BAZ1A: variants seen among roughly 807,000 people sequenced by gnomAD.
BAZ1A encodes bromodomain adjacent to zinc finger domain 1A.
BAZ1A carries 50 observed loss-of-function variants against 185.2 expected under a neutral mutation model. That is an observed-to-expected ratio of 0.27 (90% confidence interval 0.22 to 0.34). BAZ1A has a LOEUF of 0.34. Among genes scored for constraint, BAZ1A ranks in the 10% least tolerant of loss-of-function variants. The pLI is 1.00. For synonymous variants in BAZ1A, 571 were observed against 615.6 expected, an observed-to-expected ratio of 0.93 and a Z score of 1.07; for missense variants, 1,356 against 1,839.9, an observed-to-expected ratio of 0.74 and a Z score of 4.81.
intron 21 of BAZ1A, among the ~76,000 whole-genome samples, chr14:34,770,765 C>T (rs2138572734): frequency 6.6e-6 from 1 of 152,242 alleles, no homozygotes; most frequent in South Asian, 2.1e-4. Context: ...GTATATTATT[C>T]CTCACTATAA....
At chr14:34,796,195 T>C (rs1048854696) in intron 9 of BAZ1A, among the ~76,000 whole-genome samples, 2 of 102,374 alleles carry the variant, frequency 2.0e-5, no homozygotes, top group South Asian at 3.6e-4. Context: ...CACACACATA[T>C]ATGCATGCTG....
At chr14:34,810,902 T>C (rs1370534035) in intron 5 of BAZ1A, 33 bp downstream of exon 5, 4 of 1,450,602 alleles carry the variant, frequency 2.8e-6, no homozygotes, top group Non-Finnish European at 3.8e-6. Context: ...TTATTCTACT[T>C]TAAACTACTA....
intron 9 of BAZ1A, among the ~76,000 whole-genome samples, chr14:34,797,444 A>C (rs185567287): frequency 9.3e-4 from 141 of 152,236 alleles, no homozygotes; most frequent in Middle Eastern, 6.8e-3. Flanking sequence ...TTCTAGTCCC[A>C]GCCACTCGGG....
intron 5 of BAZ1A, 66 bp downstream of exon 5, chr14:34,810,869 C>G: frequency 8.7e-7 from 1 of 1,147,158 alleles, no homozygotes; most frequent in African/African-American, 1.5e-5. Flanking sequence ...CTACATCAGA[C>G]CTTCTTAATC....
chr14:34,784,308 C>T (rs867330512), intron 14 of BAZ1A, among the ~76,000 whole-genome samples: 2 of 127,042 alleles, frequency 1.6e-5, no homozygotes, highest in East Asian at 5.8e-4. Context: ...GCGGAGGTTG[C>T]GTTGCGCCAA....
At position 34,802,996 on chromosome 14, in the gene BAZ1A, A is replaced by C; in HGVS notation, c.727-8T>G. ...CGTTGAAAGAGATGATGCCTTAATAAAACAAAGACATAGGGTACAATAATA... is the reference window on the plus strand; with the variant it reads ...CGTTGAAAGAGATGATGCCTTAATACAACAAAGACATAGGGTACAATAATA... On this transcript the variant is annotated splice_polypyrimidine_tract_variant and splice_region_variant and intron_variant, in intron 6 of 26. Transcript: ENST00000360310. 1 of 1,604,262 alleles carries C rather than the reference A, an allele frequency of 6.2e-7. No homozygotes were observed. The highest frequency in any genetic ancestry group is 8.5e-7 in the Non-Finnish European group (1 of 1,171,528).
At chr14:34,850,047 T>C (rs975894547) in intron 3 of BAZ1A, among the ~76,000 whole-genome samples, 1 of 152,118 alleles carries the variant, frequency 6.6e-6, no homozygotes, top group East Asian at 1.9e-4. Context: ...CTCAAATATC[T>C]GTACGCACAA....
At position 34,874,618 on chromosome 14, in the gene BAZ1A, G is replaced by T; in HGVS notation, c.-14C>A. 1 of 1,601,564 alleles carries T rather than the reference G, an allele frequency of 6.2e-7. No homozygotes were observed. Among genetic ancestry groups the T allele is most frequent in the Non-Finnish European group, 8.5e-7 (1 of 1,173,458 alleles). On this transcript the variant is annotated 5_prime_UTR_variant, in exon 2 of 27. Transcript: ENST00000360310. This position sits in a 1 kb window ranked among gnomAD's most constrained non-coding sequence, Gnocchi z 4.7. ...TAGCAGCGGCATCTCCCGTCCGCCC[G>T]CGGGCTCGCCTGGACCCTCGGCCGC...
chr14:34,786,562 G>T, intron 12 of BAZ1A: 1 of 156,786 alleles, frequency 6.4e-6, no homozygotes, highest in Non-Finnish European at 1.3e-5. Context: ...AGTCTACCTT[G>T]AAAATTGGAA....
chr14:34,870,018 T>C (rs777688005), intron 2 of BAZ1A, among the ~76,000 whole-genome samples: 81 of 152,204 alleles, frequency 5.3e-4, no homozygotes, highest in African/African-American at 1.9e-3. Context: ...TGACTGCAGC[T>C]AAGTGAGTGA....
At chr14:34,766,450 G>A (rs150437460) in intron 21 of BAZ1A, among the ~76,000 whole-genome samples, 1 of 152,274 alleles carries the variant, frequency 6.6e-6, no homozygotes, top group African/African-American at 2.4e-5. Flanking sequence ...TGCCTGTCGG[G>A]TAGGGTGAGA....
chr14:34,836,097 AGGCCGGGC>A (rs2042325681), intron 3 of BAZ1A, among the ~76,000 whole-genome samples: 1 of 97,364 alleles, frequency 1.0e-5, no homozygotes, highest in African/African-American at 3.4e-5. Context: ...AACTTTCTAT[AGGCCGGGC>A]GCGGTGGCTC....
intron 17 of BAZ1A, 94 bp downstream of exon 17, chr14:34,780,092 G>A (rs1378219652): frequency 1.3e-6 from 2 of 1,490,078 alleles, no homozygotes; most frequent in Non-Finnish European, 9.1e-7. Flanking sequence ...ACAAATGAAA[G>A]CAATCAATAT....
chr14:34,755,097 A>G (rs1453980594), intron 25 of BAZ1A, among the ~76,000 whole-genome samples, 183 bp from the exon 26 acceptor site: 1 of 152,110 alleles, frequency 6.6e-6, no homozygotes. Context: ...ACAGATATAT[A>G]TCTATATAGA....
intron 2 of BAZ1A, among the ~76,000 whole-genome samples, chr14:34,869,988 GC>G (rs1260130382): frequency 2.6e-5 from 4 of 152,290 alleles, no homozygotes; most frequent in Admixed American, 2.0e-4. Context: ...ACTCCAACCT[GC>G]CTCAGCCTAG....
rs780287749 is a variant in BAZ1A at position 34,759,171 on chromosome 14, GTTTTTTTTT to G, written c.4244-334_4244-326del. On this transcript the variant is annotated intron_variant, in intron 24 of 26. Transcript: ENST00000360310. ...TTATTAAAAATACTTTACAGCTACAGTTTTTTTTTTTTTTTTTTTTTTTTTTTGAGATGG... is the reference window on the plus strand; with the variant it reads ...TTATTAAAAATACTTTACAGCTACAGTTTTTTTTTTTTTTTTTTGAGATGG... Among the ~76,000 whole-genome samples the G allele has an allele frequency of 2.1e-4, 14 of 66,480 alleles. No individual in the cohort carries two copies. In the South Asian group the frequency reaches 2.3e-3, roughly 11 times the overall value. 43.6% of individuals were successfully genotyped at this position (66,480 alleles called of 152,430 possible).
chr14:34,845,274 C>CTTTTTT (rs71121228), intron 3 of BAZ1A: 9 of 132,486 alleles, frequency 6.8e-5, no homozygotes, highest in African/African-American at 2.5e-4. Context: ...TCAACTTTTT[C>CTTTTTT]TTTTTTTTTT....
chr14:34,834,849 G>A (rs1338249803), intron 3 of BAZ1A, among the ~76,000 whole-genome samples: 2 of 152,176 alleles, frequency 1.3e-5, no homozygotes, highest in Non-Finnish European at 2.9e-5. Flanking sequence ...TTAAGACCCA[G>A]CTAGAGGATC....
At chr14:34,766,131 GTC>G (rs1878821596) in intron 21 of BAZ1A, among the ~76,000 whole-genome samples, 2 of 152,134 alleles carry the variant, frequency 1.3e-5, no homozygotes, top group Admixed American at 1.3e-4. Flanking sequence ...TAACCCATCT[GTC>G]TCTCAGTTTC....
Sources: gnomAD v4.1 joint callset for allele counts (sites outside exome capture counted in the v4.1 genomes callset) on GRCh38, gnomAD v4.1.1 for gene constraint, Gnocchi (gnomAD v3.1) non-coding constraint, MANE v1.5 for transcripts, NCBI Gene and HGNC (gene_info 2026-07-23, HGNC 2026-07-21) for gene names.